SLC2A13: variants seen among roughly 807,000 people sequenced by gnomAD.
SLC2A13 encodes the protein solute carrier family 2 member 13.
Under a neutral mutation model 64.4 loss-of-function variants are expected in SLC2A13, and 32 were observed. The ratio of observed to expected loss-of-function variants is 0.50; its 90% CI spans 0.37 to 0.67. The LOEUF is 0.67. SLC2A13 is among the 30% of genes least tolerant of loss of function. SLC2A13 has a pLI of 0.00. For missense variants in SLC2A13, 743 were observed against 829.2 expected (o/e 0.90, Z 1.28); for synonymous variants, 338 against 327.1 (o/e 1.03, Z -0.36).
chr12:39,973,810 T>C (rs536072152), intron 3 of SLC2A13, among the ~76,000 whole-genome samples: 2 of 152,248 alleles, frequency 1.3e-5, no homozygotes, highest in Non-Finnish European at 2.9e-5. Context: ...GTCTTGTTTT[T>C]CTCTCTTAGT....
intron 7 of SLC2A13, among the ~76,000 whole-genome samples, chr12:39,795,640 T>C (rs1340963592): frequency 6.6e-6 from 1 of 152,134 alleles, no homozygotes; most frequent in Non-Finnish European, 1.5e-5. Context: ...CCAGAGAAGA[T>C]TTACATTGGC....
At chr12:39,773,222 G>A (rs1412111008) in intron 7 of SLC2A13, among the ~76,000 whole-genome samples, 2 of 152,084 alleles carry the variant, frequency 1.3e-5, no homozygotes, top group Admixed American at 1.3e-4. Context: ...CTGCAATAAT[G>A]GGAAGCTGCT....
chr12:40,089,684 G>A (rs1195924682), intron 1 of SLC2A13, among the ~76,000 whole-genome samples: 1 of 152,084 alleles, frequency 6.6e-6, no homozygotes, highest in Non-Finnish European at 1.5e-5. Flanking sequence ...CTCACTGTTG[G>A]TCAGCTCTAA....
intron 3 of SLC2A13, among the ~76,000 whole-genome samples, chr12:39,985,164 A>G (rs1947006054): frequency 6.6e-6 from 1 of 152,168 alleles, no homozygotes; most frequent in South Asian, 2.1e-4. Flanking sequence ...AACCATCTCC[A>G]AACACTGTCT....
intron 7 of SLC2A13, among the ~76,000 whole-genome samples, chr12:39,798,399 T>C (rs1207737920): frequency 6.6e-6 from 1 of 152,190 alleles, no homozygotes; most frequent in African/African-American, 2.4e-5. Flanking sequence ...AGATGAGTAA[T>C]ATAGGGGCTT....
chr12:39,895,990 A>G (rs186420615), intron 4 of SLC2A13, among the ~76,000 whole-genome samples: 4 of 131,804 alleles, frequency 3.0e-5, no homozygotes, highest in African/African-American at 8.7e-5. Flanking sequence ...ACATACATTC[A>G]TATATGTGTA....
chr12:40,062,860 T>G (rs933915803), intron 1 of SLC2A13, among the ~76,000 whole-genome samples: 1 of 152,134 alleles, frequency 6.6e-6, no homozygotes, highest in Non-Finnish European at 1.5e-5. Context: ...TTATGAGAAC[T>G]TGGTGATGGA....
chr12:39,867,691 G>A (rs187612814), intron 5 of SLC2A13, among the ~76,000 whole-genome samples: 125 of 152,126 alleles, frequency 8.2e-4, no homozygotes, highest in African/African-American at 2.9e-3. Context: ...ATTTTATTTT[G>A]GCCCATTTTG....
chr12:39,784,064 C>T (rs372727654), intron 7 of SLC2A13, among the ~76,000 whole-genome samples: 24 of 152,058 alleles, frequency 1.6e-4, no homozygotes, highest in Non-Finnish European at 2.8e-4. Context: ...CACTGCTCAA[C>T]GAAATAAAAG....
intron 7 of SLC2A13, among the ~76,000 whole-genome samples, chr12:39,780,794 C>T (rs148532269): frequency 1.9e-4 from 29 of 152,186 alleles, no homozygotes; most frequent in African/African-American, 6.5e-4. Context: ...CATGGAGCTA[C>T]ATAATGATTT....
At chr12:39,793,294 G>A (rs1246762809) in intron 7 of SLC2A13, among the ~76,000 whole-genome samples, 1 of 152,082 alleles carries the variant, frequency 6.6e-6, no homozygotes, top group African/African-American at 2.4e-5. Context: ...GTGCAAAATT[G>A]TACATTAAAA....
At chr12:39,914,580 C>A (rs527782088) in intron 4 of SLC2A13, among the ~76,000 whole-genome samples, 61 of 151,948 alleles carry the variant, frequency 4.0e-4, no homozygotes, top group South Asian at 8.3e-4. Flanking sequence ...ATAATCAAAC[C>A]CATATATTAG....
chr12:39,824,368 G>A (rs1388772959), intron 7 of SLC2A13, among the ~76,000 whole-genome samples: 1 of 152,190 alleles, frequency 6.6e-6, no homozygotes, highest in Non-Finnish European at 1.5e-5. Context: ...GTTGGATAAT[G>A]GGAGCAGGTG....
intron 4 of SLC2A13, among the ~76,000 whole-genome samples, chr12:39,883,707 C>G: frequency 6.6e-6 from 1 of 152,110 alleles, no homozygotes; most frequent in East Asian, 1.9e-4. Flanking sequence ...TTTGCAAGAA[C>G]TTTCATTCTA....
chr12:39,824,486 C>G (rs1330068921), intron 7 of SLC2A13, among the ~76,000 whole-genome samples: 4 of 152,160 alleles, frequency 2.6e-5, no homozygotes, highest in South Asian at 4.2e-4. Flanking sequence ...TTTCTTATAC[C>G]TGTGTTCAAT....
chr12:39,905,149 C>A (rs1279196977), intron 4 of SLC2A13, among the ~76,000 whole-genome samples: 1 of 152,114 alleles, frequency 6.6e-6, no homozygotes, highest in Non-Finnish European at 1.5e-5. Flanking sequence ...ACTTGCTGGT[C>A]CTACTGTGAA....
intron 7 of SLC2A13, among the ~76,000 whole-genome samples, chr12:39,799,491 T>G (rs1941708264): frequency 6.6e-6 from 1 of 151,922 alleles, no homozygotes; most frequent in African/African-American, 2.4e-5. Flanking sequence ...ACCTCTAAAA[T>G]TATAGTAAAA....
At chr12:39,774,749 T>A (rs567560306) in intron 7 of SLC2A13, among the ~76,000 whole-genome samples, 64 of 152,238 alleles carry the variant, frequency 4.2e-4, no homozygotes, top group African/African-American at 1.5e-3. Context: ...CCTTAGAAAT[T>A]TGGAGCAAAA....
intron 1 of SLC2A13, among the ~76,000 whole-genome samples, chr12:40,077,200 G>A (rs1938209953): frequency 6.6e-6 from 1 of 151,838 alleles, no homozygotes; most frequent in Non-Finnish European, 1.5e-5. Flanking sequence ...AATTGCTTTT[G>A]GAGTCTTCAT....
Sources: allele counts gnomAD v4.1 joint callset (sites outside exome capture counted in the v4.1 genomes callset), GRCh38; gene constraint gnomAD v4.1.1; transcripts MANE v1.5; gene names NCBI Gene and HGNC (gene_info 2026-07-23, HGNC 2026-07-21).